Variants in AFF1 observed in about 807,000 individuals in gnomAD.
AFF1 encodes the protein ALF transcription elongation factor 1.
In AFF1, 48 loss-of-function variants were observed where a neutral mutation model predicts 121.7. The ratio of observed to expected loss-of-function variants is 0.39; its 90% CI spans 0.31 to 0.50. The LOEUF (loss-of-function observed/expected upper bound fraction) is 0.50, where lower values mean the gene tolerates loss of function less well. AFF1 is among the 20% of genes least tolerant of loss of function. AFF1 has a pLI of 0.76. For missense variants in AFF1, 1,523 were observed against 1,511.7 expected, an observed-to-expected ratio of 1.01 and a Z score of -0.12; for synonymous variants, 613 against 563.0, an observed-to-expected ratio of 1.09 and a Z score of -1.26.
chr4:87,058,084 G>C (rs1720339230), intron 4 of AFF1, among the ~76,000 whole-genome samples: 1 of 152,120 alleles, frequency 6.6e-6, no homozygotes, highest in African/African-American at 2.4e-5. Flanking sequence ...TTTCTCTCTT[G>C]ATTATCACAG....
rs923054512 is a variant in AFF1, at chr4:87,139,689, G to A, written c.*3988G>A. On this transcript the variant is annotated 3_prime_UTR_variant, in exon 21 of 21. Coordinates refer to ENST00000395146, the MANE Select transcript of AFF1 (RefSeq NM_001166693.3). ...TCCCACTTAGGATTAATGGATGTAA[G>A]GTATTTTCCTGTGCCTTTATTTTGT... The A allele has an allele frequency of 1.7e-5, 4 of 228,782 alleles. No individual in the cohort carries two copies. Among genetic ancestry groups the A allele is most frequent in the Non-Finnish European group, 2.6e-5 (3 of 115,312 alleles). The allele number at this position is 228,782 out of a possible 1,614,324, so 14.2% of individuals were successfully genotyped here. A position where few individuals can be genotyped will look rare whatever the true frequency, so the allele number is the denominator to read the frequency against.
intron 2 of AFF1, among the ~76,000 whole-genome samples, chr4:87,006,174 T>G (rs1302999727): frequency 6.6e-6 from 1 of 152,182 alleles, no homozygotes; most frequent in Non-Finnish European, 1.5e-5. Context: ...TTGTCATGAT[T>G]CTAGGTAGAA....
At chr4:87,107,939 C>T (rs931491062) in intron 10 of AFF1, among the ~76,000 whole-genome samples, 9 of 152,182 alleles carry the variant, frequency 5.9e-5, no homozygotes, top group Non-Finnish European at 7.4e-5. Context: ...TAAAATTTCA[C>T]AGGCTTCTCT....
intron 11 of AFF1, among the ~76,000 whole-genome samples, chr4:87,110,637 TAAA>T: frequency 6.6e-6 from 1 of 151,856 alleles, no homozygotes; most frequent in South Asian, 2.1e-4. Flanking sequence ...ATGCTCTTTT[TAAA>T]AAAAAATTTT....
intron 2 of AFF1, among the ~76,000 whole-genome samples, chr4:86,962,684 A>G (rs562176523): frequency 6.6e-6 from 1 of 152,238 alleles, no homozygotes; most frequent in East Asian, 1.9e-4. Flanking sequence ...CTGTATAATC[A>G]CGTGTTCCTG....
At chr4:86,987,560 T>C (rs564134954) in intron 2 of AFF1, among the ~76,000 whole-genome samples, 5 of 152,284 alleles carry the variant, frequency 3.3e-5, no homozygotes, top group Non-Finnish European at 7.4e-5. Flanking sequence ...AGGTGATAAC[T>C]GATTAATACC....
intron 4 of AFF1, among the ~76,000 whole-genome samples, chr4:87,049,993 A>G (rs1731114131): frequency 6.6e-6 from 1 of 152,208 alleles, no homozygotes; most frequent in Admixed American, 6.5e-5. Context: ...CAAAATGGGT[A>G]TTTTTGAAAG....
intron 4 of AFF1, among the ~76,000 whole-genome samples, chr4:87,057,029 C>T (rs1720216462): frequency 6.6e-6 from 1 of 152,152 alleles, no homozygotes. Context: ...TTCCAGAGTC[C>T]ACAGTCTTAA....
At chr4:87,035,983 A>T (rs1729526654) in intron 2 of AFF1, among the ~76,000 whole-genome samples, 1 of 152,138 alleles carries the variant, frequency 6.6e-6, no homozygotes, top group Non-Finnish European at 1.5e-5. Flanking sequence ...TGATAGTGTG[A>T]CATGAGTGGC....
intron 2 of AFF1, chr4:87,036,792 T>C (rs776930757): frequency 1.9e-6 from 1 of 515,264 alleles, no homozygotes; most frequent in East Asian, 5.5e-5. Context: ...TATTCTCTAA[T>C]ATGGCAGCAA....
At chr4:87,045,722 CT>C (rs1431788508) in intron 2 of AFF1, among the ~76,000 whole-genome samples, 1 of 152,096 alleles carries the variant, frequency 6.6e-6, no homozygotes. Context: ...TGATTTTAAT[CT>C]TTCAAAATGT....
At chr4:87,063,115 C>A (rs542560131) in intron 4 of AFF1, among the ~76,000 whole-genome samples, 1 of 151,294 alleles carries the variant, frequency 6.6e-6, no homozygotes, top group South Asian at 2.1e-4. Flanking sequence ...GTATGTTAAA[C>A]CTTTATATCG....
At chr4:86,970,198 T>C (rs995507591) in intron 2 of AFF1, among the ~76,000 whole-genome samples, 2 of 151,992 alleles carry the variant, frequency 1.3e-5, no homozygotes, top group African/African-American at 4.8e-5. Context: ...GTTTAAGATA[T>C]TAAAGTGGGC....
At chr4:86,947,391 G>A (rs1720939422) in intron 1 of AFF1, among the ~76,000 whole-genome samples, 1 of 152,120 alleles carries the variant, frequency 6.6e-6, no homozygotes, top group South Asian at 2.1e-4. Flanking sequence ...AGACCTTATC[G>A]GGAGTAAGAA....
At chr4:86,951,943 A>G (rs1363643506) in intron 2 of AFF1, among the ~76,000 whole-genome samples, 1 of 150,654 alleles carries the variant, frequency 6.6e-6, no homozygotes, top group Non-Finnish European at 1.5e-5. Flanking sequence ...TTTTTAAAGC[A>G]AAAAGCTAGA....
intron 1 of AFF1, 45 bp from the exon 2 acceptor site, chr4:86,948,453 A>T: frequency 1.5e-6 from 2 of 1,322,724 alleles, no homozygotes. Context: ...CCCTGAATTT[A>T]CTCACAGGCT....
At chr4:87,060,753 T>C (rs983470617) in intron 4 of AFF1, among the ~76,000 whole-genome samples, 65 of 146,426 alleles carry the variant, frequency 4.4e-4, no homozygotes, top group African/African-American at 1.6e-3. Context: ...ACAGGAGAAT[T>C]GCTTGAACCT....
intron 11 of AFF1, among the ~76,000 whole-genome samples, chr4:87,108,629 C>A (rs961052681): frequency 6.6e-6 from 1 of 152,148 alleles, no homozygotes; most frequent in African/African-American, 2.4e-5. Flanking sequence ...CTTTTCCCTT[C>A]TTTTAGAAAG....
intron 2 of AFF1, 62 bp downstream of exon 2, chr4:86,948,633 A>T: frequency 6.8e-7 from 1 of 1,477,230 alleles, no homozygotes; most frequent in South Asian, 1.2e-5. Flanking sequence ...CTACTTTTCA[A>T]TGAATAAGTT....
Sources: gnomAD v4.1 joint callset for allele counts (sites outside exome capture counted in the v4.1 genomes callset) on GRCh38, gnomAD v4.1.1 for gene constraint, MANE v1.5 for transcripts, NCBI Gene and HGNC (gene_info 2026-07-23, HGNC 2026-07-21) for gene names.